Variants in RAD54B observed in about 807,000 individuals in gnomAD.
RAD54B encodes the protein RAD54 homolog B.
A neutral mutation model predicts 95.8 loss-of-function variants in RAD54B; 78 were observed. The observed-to-expected ratio is 0.81, with a 90% CI of 0.68 to 0.98. RAD54B has a LOEUF of 0.98. Ranked by LOEUF, RAD54B falls within the 50% of genes least tolerant of loss-of-function variation. RAD54B has a pLI of 0.00. For synonymous variants in RAD54B, 328 were observed against 354.9 expected (o/e 0.92, Z 0.85); for missense variants, 957 against 1,056.6 (o/e 0.91, Z 1.31).
At chr8:94,425,198 GTACAACCC>G in intron 3 of RAD54B, among the ~76,000 whole-genome samples, 2 of 144,916 alleles carry the variant, frequency 1.4e-5, no homozygotes, top group South Asian at 4.4e-4. Context: ...TGACTTAATT[GTACAACCC>G]ATAAACCTAA....
intron 2 of RAD54B, among the ~76,000 whole-genome samples, chr8:94,461,106 T>A (rs1390297214): frequency 2.0e-5 from 3 of 151,662 alleles, no homozygotes; most frequent in Non-Finnish European, 4.4e-5. Context: ...GAATTTTTTT[T>A]AAATAGAAAC....
At chr8:94,461,787 C>T (rs547806838) in intron 2 of RAD54B, among the ~76,000 whole-genome samples, 18 of 152,262 alleles carry the variant, frequency 1.2e-4, no homozygotes, top group South Asian at 6.2e-4. Context: ...TATGCTCCTT[C>T]GCCTCTAAAT....
At chr8:94,474,473 G>A (rs1251412677) in intron 1 of RAD54B, among the ~76,000 whole-genome samples, 1 of 152,170 alleles carries the variant, frequency 6.6e-6, no homozygotes, top group African/African-American at 2.4e-5. Flanking sequence ...TTTCAACCCC[G>A]TAGTAAGTCG....
intron 8 of RAD54B, among the ~76,000 whole-genome samples, chr8:94,395,618 A>G (rs1811125206): frequency 6.6e-6 from 1 of 152,202 alleles, no homozygotes; most frequent in African/African-American, 2.4e-5. Context: ...GGAGAGCTAG[A>G]AAGGGCACCA....
chr8:94,375,523 C>T (rs1810546959), intron 14 of RAD54B, among the ~76,000 whole-genome samples: 1 of 152,222 alleles, frequency 6.6e-6, no homozygotes, highest in South Asian at 2.1e-4. Flanking sequence ...TAATGTGAGG[C>T]CTCCCCAGCT....
intron 11 of RAD54B, among the ~76,000 whole-genome samples, chr8:94,382,524 ACT>A: frequency 6.6e-6 from 1 of 152,312 alleles, no homozygotes; most frequent in East Asian, 1.9e-4. Flanking sequence ...TTAGGAAACT[ACT>A]GTGAGATGTG....
At chr8:94,390,065 C>T (rs1188969270) in intron 10 of RAD54B, among the ~76,000 whole-genome samples, 8 of 151,932 alleles carry the variant, frequency 5.3e-5, no homozygotes, top group Non-Finnish European at 4.4e-5. Flanking sequence ...TGCGGCTGGG[C>T]GCAGTGGCTC....
At chr8:94,416,803 A>G (rs887689705) in intron 3 of RAD54B, among the ~76,000 whole-genome samples, 2 of 152,208 alleles carry the variant, frequency 1.3e-5, no homozygotes, top group Non-Finnish European at 2.9e-5. Flanking sequence ...ATGGTGCAGC[A>G]CTTTGGAAAA....
intron 3 of RAD54B, among the ~76,000 whole-genome samples, chr8:94,426,288 C>CTT: frequency 6.6e-6 from 1 of 151,428 alleles, no homozygotes. Context: ...AAAACTCATA[C>CTT]CCTGTTGATG....
intron 2 of RAD54B, among the ~76,000 whole-genome samples, 159 bp from the exon 3 acceptor site, chr8:94,458,595 G>A (rs946544484): frequency 2.6e-5 from 4 of 152,174 alleles, no homozygotes; most frequent in Admixed American, 2.6e-4. Flanking sequence ...TGCTGGGCAT[G>A]GTGGCTCATG....
intron 12 of RAD54B, among the ~76,000 whole-genome samples, chr8:94,379,520 C>A (rs1192696608): frequency 6.6e-6 from 1 of 152,186 alleles, no homozygotes; most frequent in Non-Finnish European, 1.5e-5. Flanking sequence ...CTTTTCCTTA[C>A]CGCTTTGAGT....
intron 2 of RAD54B, among the ~76,000 whole-genome samples, chr8:94,465,825 CCA>C (rs936644689): frequency 2.0e-4 from 30 of 152,152 alleles, no homozygotes; most frequent in Admixed American, 3.3e-4. Flanking sequence ...GATTATTCAA[CCA>C]TACAAAAAAA....
chr8:94,431,402 A>C, intron 3 of RAD54B: 1 of 984,882 alleles, frequency 1.0e-6, no homozygotes, highest in South Asian at 4.7e-5. Context: ...CTGATTTCAC[A>C]ACCTAACAAT....
chr8:94,385,874 T>A (rs1810878289), intron 11 of RAD54B, among the ~76,000 whole-genome samples: 1 of 152,134 alleles, frequency 6.6e-6, no homozygotes, highest in African/African-American at 2.4e-5. Flanking sequence ...GGTGGTTTGG[T>A]ATGACTGGAC....
intron 3 of RAD54B, among the ~76,000 whole-genome samples, chr8:94,421,591 A>G (rs1432993473): frequency 6.6e-6 from 1 of 152,180 alleles, no homozygotes; most frequent in African/African-American, 2.4e-5. Context: ...CATCATGTCC[A>G]TGTATCTTTT....
At chr8:94,374,138 A>G (rs557623004) in intron 14 of RAD54B, among the ~76,000 whole-genome samples, 56 of 152,124 alleles carry the variant, frequency 3.7e-4, no homozygotes, top group Non-Finnish European at 5.2e-4. Flanking sequence ...AATTAGCCAG[A>G]CGTGGTGGCA....
At chr8:94,421,377 T>C (rs971134935) in intron 3 of RAD54B, among the ~76,000 whole-genome samples, 1 of 152,236 alleles carries the variant, frequency 6.6e-6, no homozygotes, top group Non-Finnish European at 1.5e-5. Flanking sequence ...CTACCTTTTA[T>C]CTATTGGAGT....
chr8:94,451,092 C>A (rs142192675), intron 3 of RAD54B, among the ~76,000 whole-genome samples: 1 of 152,216 alleles, frequency 6.6e-6, no homozygotes, highest in African/African-American at 2.4e-5. Context: ...AATAACACTG[C>A]AGTATCAATG....
chr8:94,386,751 A>G (rs1025569783), intron 11 of RAD54B, among the ~76,000 whole-genome samples: 10 of 152,212 alleles, frequency 6.6e-5, no homozygotes, highest in African/African-American at 2.4e-4. Context: ...CAAGCATTAT[A>G]TATCAGAAAA....
Sources: gnomAD v4.1 joint callset for allele counts (sites outside exome capture counted in the v4.1 genomes callset) on GRCh38, gnomAD v4.1.1 for gene constraint, MANE v1.5 for transcripts, NCBI Gene and HGNC (gene_info 2026-07-23, HGNC 2026-07-21) for gene names.